SYT16: variants seen among roughly 807,000 people sequenced by gnomAD.
The protein encoded by SYT16 is synaptotagmin 16.
In SYT16, 42 loss-of-function variants were observed where a neutral mutation model predicts 61.4. That is an observed-to-expected ratio of 0.68 (90% CI 0.53 to 0.89). The LOEUF (loss-of-function observed/expected upper bound fraction) is 0.89. SYT16 is among the 40% of genes least tolerant of loss of function. The pLI is 0.00. For missense variants in SYT16, 804 were observed against 807.3 expected, an observed-to-expected ratio of 1.00 and a Z score of 0.05; for synonymous variants, 314 against 302.3, an observed-to-expected ratio of 1.04 and a Z score of -0.40.
intron 2 of SYT16, among the ~76,000 whole-genome samples, chr14:61,983,264 C>T (rs1015035446): frequency 6.6e-6 from 1 of 152,154 alleles, no homozygotes; most frequent in East Asian, 1.9e-4. Flanking sequence ...TGTGTTTATA[C>T]ACTTCCATTA....
intron 7 of SYT16, among the ~76,000 whole-genome samples, chr14:62,094,701 A>G (rs2141009844): frequency 6.6e-6 from 1 of 152,178 alleles, no homozygotes; most frequent in South Asian, 2.1e-4. Context: ...TATTCTAGGT[A>G]TGTTTGATCA....
At chr14:62,072,099 G>C (rs1443233835) in intron 4 of SYT16, among the ~76,000 whole-genome samples, 2 of 152,180 alleles carry the variant, frequency 1.3e-5, no homozygotes, top group African/African-American at 4.8e-5. Context: ...AGACGTGAAA[G>C]GTTAGCTGTA....
intron 7 of SYT16, among the ~76,000 whole-genome samples, chr14:62,094,814 A>G (rs1251225235): frequency 1.3e-5 from 2 of 152,040 alleles, no homozygotes; most frequent in African/African-American, 4.8e-5. Flanking sequence ...AGAGATGTCA[A>G]TAGGCTCTGA....
At chr14:61,918,821 CAGA>C (rs371011716) in intron 1 of SYT16, among the ~76,000 whole-genome samples, 20 of 152,002 alleles carry the variant, frequency 1.3e-4, no homozygotes, top group African/African-American at 4.8e-4. Flanking sequence ...TGTGGAAAAA[CAGA>C]AGCAGAAGGT....
At chr14:62,079,416 C>A in intron 5 of SYT16, 1 of 1,053,706 alleles carries the variant, frequency 9.5e-7, no homozygotes, top group Non-Finnish European at 1.3e-6. Flanking sequence ...TTTACAACAT[C>A]CCTACACAGA....
chr14:62,000,098 G>A (rs1417545135), intron 3 of SYT16, among the ~76,000 whole-genome samples: 4 of 35,514 alleles, frequency 1.1e-4, no homozygotes, highest in Non-Finnish European at 8.9e-5. Context: ...TTTGTCTCTC[G>A]ATTTTTTTTT....
chr14:62,010,663 G>A (rs1378655575), intron 3 of SYT16, among the ~76,000 whole-genome samples: 1 of 152,060 alleles, frequency 6.6e-6, no homozygotes, highest in Non-Finnish European at 1.5e-5. Context: ...CATCACAGGA[G>A]ACATTGCTGT....
chr14:61,829,264 AATCC>A (rs1399456268), intron 1 of SYT16, among the ~76,000 whole-genome samples: 2 of 152,204 alleles, frequency 1.3e-5, no homozygotes, highest in East Asian at 3.9e-4. Flanking sequence ...TAGATGTGGA[AATCC>A]ACTGTCATTT....
At position 62,016,938 on chromosome 14, in the gene SYT16, G is replaced by C. The variant is rs1033609180; in HGVS notation, c.523+20396G>C. On this transcript the variant is annotated intron_variant, in intron 3 of 7. Transcript: ENST00000683842. ...TCCCATCACCAGTGTGTTTAGTACT[G>C]TGATTTTCCTGTGCTAGATTCATAA... Among the ~76,000 whole-genome samples, 15 of 152,170 alleles carry C rather than the reference G, an allele frequency of 9.9e-5. No homozygotes were observed. The East Asian group carries it at 2.5e-3, about 25-fold the overall frequency.
chr14:61,886,488 C>T (rs2047905441), intron 1 of SYT16, among the ~76,000 whole-genome samples: 1 of 152,204 alleles, frequency 6.6e-6, no homozygotes, highest in Admixed American at 6.5e-5. Context: ...CAGCCGTGTC[C>T]ACAGCGTCTT....
intron 1 of SYT16, among the ~76,000 whole-genome samples, chr14:61,854,080 A>C (rs912698070): frequency 6.6e-6 from 1 of 152,138 alleles, no homozygotes; most frequent in Non-Finnish European, 1.5e-5. Flanking sequence ...AGGTTGATAC[A>C]CACACACCCC....
At chr14:61,886,110 G>A (rs764191416) in intron 1 of SYT16, among the ~76,000 whole-genome samples, 3 of 151,748 alleles carry the variant, frequency 2.0e-5, no homozygotes, top group African/African-American at 7.3e-5. Flanking sequence ...GACTAGAGGC[G>A]CCCACCACCA....
At chr14:61,947,316 G>GTA (rs2050485551) in intron 1 of SYT16, among the ~76,000 whole-genome samples, 1 of 145,424 alleles carries the variant, frequency 6.9e-6, no homozygotes. Context: ...GTGTGTTTGT[G>GTA]TAAAATGAAG....
intron 1 of SYT16, among the ~76,000 whole-genome samples, chr14:61,928,361 A>G (rs1458809942): frequency 6.6e-6 from 1 of 152,220 alleles, no homozygotes; most frequent in Non-Finnish European, 1.5e-5. Context: ...AACAATTGGC[A>G]GGAAAAAAGG....
chr14:61,944,746 A>C (rs1352893008), intron 1 of SYT16, among the ~76,000 whole-genome samples: 1 of 152,256 alleles, frequency 6.6e-6, no homozygotes, highest in Non-Finnish European at 1.5e-5. Context: ...CTCAAGATCG[A>C]TTAAAGACTT....
At chr14:61,947,120 A>G (rs1348287317) in intron 1 of SYT16, among the ~76,000 whole-genome samples, 2 of 152,044 alleles carry the variant, frequency 1.3e-5, no homozygotes, top group Admixed American at 6.6e-5. Context: ...CTGTGATTCT[A>G]TGTAAGATGG....
chr14:62,078,376 G>C (rs147138837), intron 5 of SYT16, among the ~76,000 whole-genome samples: 12 of 152,164 alleles, frequency 7.9e-5, no homozygotes, highest in South Asian at 4.1e-4. Flanking sequence ...TCTGGGCTTG[G>C]GGGGAGAGAG....
At chr14:62,093,810 G>A (rs941059646) in intron 7 of SYT16, among the ~76,000 whole-genome samples, 1 of 152,134 alleles carries the variant, frequency 6.6e-6, no homozygotes, top group Non-Finnish European at 1.5e-5. Flanking sequence ...TAGCAGATGT[G>A]TAATAGAAGA....
At chr14:61,933,175 T>C (rs994418919) in intron 1 of SYT16, among the ~76,000 whole-genome samples, 3 of 152,198 alleles carry the variant, frequency 2.0e-5, no homozygotes, top group African/African-American at 7.2e-5. Context: ...TGAAAGAAGA[T>C]GTGCCACTTA....
Sources: gnomAD v4.1 joint callset for allele counts (sites outside exome capture counted in the v4.1 genomes callset) on GRCh38, gnomAD v4.1.1 for gene constraint, MANE v1.5 for transcripts, NCBI Gene and HGNC (gene_info 2026-07-23, HGNC 2026-07-21) for gene names.